Variants in FBN2 observed in about 807,000 individuals in gnomAD.
FBN2 encodes the protein fibrillin-2.
FBN2 carries 105 observed loss-of-function variants against 355.6 expected under a neutral mutation model. That is an observed-to-expected ratio of 0.30 (90% CI 0.25 to 0.35). The LOEUF is 0.35. Ranked by LOEUF, FBN2 falls within the 10% of genes least tolerant of loss-of-function variation. FBN2 has a pLI of 1.00. For synonymous variants in FBN2, 1,350 were observed against 1,301.2 expected, an observed-to-expected ratio of 1.04 and a Z score of -0.81; for missense variants, 3,280 against 3,758.7, an observed-to-expected ratio of 0.87 and a Z score of 3.33.
intron 32 of FBN2, among the ~76,000 whole-genome samples, chr5:128,331,504 A>G (rs1412662380): frequency 6.6e-6 from 1 of 152,198 alleles, no homozygotes; most frequent in Non-Finnish European, 1.5e-5. Context: ...ACCCGCAGCC[A>G]AGGGAGGGAA....
chr5:128,383,612 C>A (rs1354849667), intron 11 of FBN2, among the ~76,000 whole-genome samples: 1 of 152,016 alleles, frequency 6.6e-6, no homozygotes, highest in African/African-American at 2.4e-5. Context: ...ACCCTCAAAA[C>A]TCAATAAGAA....
intron 15 of FBN2, chr5:128,371,249 T>C (rs1751926237): frequency 6.6e-6 from 1 of 152,120 alleles, no homozygotes; most frequent in African/African-American, 2.4e-5. Context: ...GCAACCTAGC[T>C]CATATTATAC....
intron 1 of FBN2, among the ~76,000 whole-genome samples, chr5:128,536,841 T>C (rs1001017024): frequency 2.0e-5 from 3 of 152,164 alleles, no homozygotes; most frequent in Non-Finnish European, 4.4e-5. Flanking sequence ...CCCAAATCCA[T>C]TCCTCCTTGG....
intron 25 of FBN2, chr5:128,339,273 T>A: frequency 1.9e-6 from 1 of 529,498 alleles, no homozygotes; most frequent in South Asian, 2.0e-5. Flanking sequence ...AAGTGGTGCC[T>A]TTTCACCTTT....
chr5:128,332,534 A>G (rs978067705), intron 32 of FBN2, among the ~76,000 whole-genome samples: 1 of 152,242 alleles, frequency 6.6e-6, no homozygotes, highest in African/African-American at 2.4e-5. Context: ...TTACTAAAAA[A>G]TTAGGTTATC....
chr5:128,451,989 A>G (rs1270374143), intron 6 of FBN2, among the ~76,000 whole-genome samples: 1 of 152,198 alleles, frequency 6.6e-6, no homozygotes, highest in Non-Finnish European at 1.5e-5. Flanking sequence ...TTATTTTTGA[A>G]GTCTCCTAGG....
intron 5 of FBN2, among the ~76,000 whole-genome samples, chr5:128,482,142 A>G (rs1037349702): frequency 1.3e-5 from 2 of 152,170 alleles, no homozygotes; most frequent in African/African-American, 4.8e-5. Flanking sequence ...CATAAAAACC[A>G]TAGTCAAAAT....
chr5:128,263,789 C>G (rs188311575), intron 62 of FBN2, 133 bp from the exon 63 acceptor site: 1 of 652,950 alleles, frequency 1.5e-6, no homozygotes, highest in South Asian at 2.1e-5. Flanking sequence ...TTTATTCTGA[C>G]GACTGATTTG....
chr5:128,364,502 C>G lies in FBN2; in HGVS notation c.2428+98G>C. ...TATGAAGAAAACAAGAAAAACTGTA[C>G]AATTTTTAGTTTTAGTCATTTGTGT... On this transcript the variant is annotated intron_variant, in intron 18 of 64. Coordinates refer to ENST00000262464, the MANE Select transcript of FBN2 (RefSeq NM_001999.4). 7 of 1,270,630 alleles carry G rather than the reference C, an allele frequency of 5.5e-6. No homozygotes were observed. In the South Asian group the frequency reaches 9.4e-5, roughly 17 times the overall value. 78.7% of individuals were successfully genotyped at this position (1,270,630 alleles called of 1,614,324 possible).
In FBN2 at chr5:128,393,329, C is replaced by A; in HGVS notation, c.1271G>T (p.Gly424Val). Residue 424 changes from glycine (G) to valine (V), a missense_variant, in exon 10 of 65, where the codon GGA (glycine) becomes GTA (valine). This residue lies in a region of FBN2 where 343 missense variants were observed against 331.0 expected (regional missense o/e 1.04). Transcript: ENST00000262464. ...RRLCMDGLPM[G>V]GIPGSAGSRP... is the part of the protein sequence containing the mutation. Reference sequence around the variant, plus strand: ...GGAACCAGCACTCCCTGGAATTCCTCCCATTGGAAGTCCATCCATGCAAAG... The same window carrying A: ...GGAACCAGCACTCCCTGGAATTCCTACCATTGGAAGTCCATCCATGCAAAG... 6.2e-7 allele frequency: 1 copy of A among 1,614,148 alleles called. No homozygotes were observed. Among genetic ancestry groups the A allele is most frequent in the Non-Finnish European group, 8.5e-7 (1 of 1,179,988 alleles).
chr5:128,384,582 A>G (rs1752318333), intron 11 of FBN2, among the ~76,000 whole-genome samples: 1 of 152,116 alleles, frequency 6.6e-6, no homozygotes, highest in African/African-American at 2.4e-5. Flanking sequence ...CACCTATGAT[A>G]TAAGGTGTTG....
chr5:128,335,884 T>C (rs560345820), intron 28 of FBN2, 104 bp downstream of exon 28: 4 of 1,250,496 alleles, frequency 3.2e-6, no homozygotes, highest in African/African-American at 3.0e-5. Context: ...ACATTCATTT[T>C]TGGGACAAAG....
In FBN2 at chr5:128,349,942, A is replaced by T; in HGVS notation, c.2863+13T>A. ...AAAGATGTATAGTATCTTCCAAGGA[A>T]GGATACACTCACCTTCACACGTAAC... On this transcript the variant is annotated intron_variant, in intron 22 of 64. Transcript: ENST00000262464. The T allele has an allele frequency of 6.2e-7, 1 of 1,602,866 alleles. No homozygotes were observed. Among genetic ancestry groups the T allele is most frequent in the Non-Finnish European group, 8.6e-7 (1 of 1,169,544 alleles).
At chr5:128,288,081 A>G (rs1326132673) in intron 53 of FBN2, among the ~76,000 whole-genome samples, 1 of 152,198 alleles carries the variant, frequency 6.6e-6, no homozygotes, top group African/African-American at 2.4e-5. Context: ...TCTTCAGAGT[A>G]ATATAACTGA....
At position 128,263,644 on chromosome 5, in the gene FBN2, C is replaced by T; in HGVS notation, c.7973G>A (p.Cys2658Tyr). The change falls in exon 63 of 65, where the codon TGC (cysteine) becomes TAC (tyrosine). Residue 2658 changes from cysteine (C) to tyrosine (Y), a missense_variant. Cys to Tyr is a radical substitution (Grantham distance 194, BLOSUM62 -2). Around this residue, in one of 6 missense-constraint regions of FBN2, gnomAD observed 311 missense variants for 319.1 expected, o/e 0.97. Transcript: ENST00000262464. ...AGAGCCACAGGCATTGGGATTGGAG[C>T]ATTCATTCTCATCTAGTGAAACGAA... ...QWNQCVDENE[C>Y]SNPNACGSAS... 6.2e-7 allele frequency: 1 copy of T among 1,612,950 alleles called. No homozygotes were observed. Among genetic ancestry groups the T allele is most frequent in the Non-Finnish European group, 8.5e-7 (1 of 1,178,978 alleles).
intron 4 of FBN2, among the ~76,000 whole-genome samples, chr5:128,527,136 A>G (rs1320407310): frequency 6.6e-6 from 1 of 152,158 alleles, no homozygotes; most frequent in African/African-American, 2.4e-5. Flanking sequence ...CACTTCTTTA[A>G]TGTCATATAA....
intron 4 of FBN2, among the ~76,000 whole-genome samples, chr5:128,520,784 T>C (rs1278879976): frequency 6.6e-6 from 1 of 152,178 alleles, no homozygotes; most frequent in Non-Finnish European, 1.5e-5. Context: ...ATTCTGTGTG[T>C]CTCTGCACAA....
rs1010418759 is a variant in FBN2, at chr5:128,436,943, T to C, written c.952+9538A>G. On this transcript the variant is annotated intron_variant, in intron 7 of 64. Coordinates refer to ENST00000262464, the MANE Select transcript of FBN2 (RefSeq NM_001999.4). ...GAATATCAAGCTCTTTGTTCTTCAA[T>C]CAGGCACCCAGCAACAGTAAGCCAA... Among the ~76,000 whole-genome samples, 4 of 152,178 alleles carry C rather than the reference T, an allele frequency of 2.6e-5. No individual in the cohort carries two copies. In the East Asian group the frequency reaches 5.8e-4, roughly 22 times the overall value.
intron 15 of FBN2, 26 bp downstream of exon 15, chr5:128,374,602 G>C: frequency 1.2e-6 from 2 of 1,613,636 alleles, no homozygotes; most frequent in Non-Finnish European, 1.7e-6. Flanking sequence ...TTGCACAGTG[G>C]GGCCATTATA....
Sources: allele counts gnomAD v4.1 joint callset (sites outside exome capture counted in the v4.1 genomes callset), GRCh38; gene constraint gnomAD v4.1.1; regional missense constraint gnomAD v4.1.1; transcripts MANE v1.5; gene names NCBI Gene and HGNC (gene_info 2026-07-23, HGNC 2026-07-21).